Variants in FANCL observed in about 807,000 individuals in gnomAD.
FANCL encodes E3 ubiquitin-protein ligase FANCL.
FANCL carries 69 observed loss-of-function variants against 59.4 expected under a neutral mutation model. The observed-to-expected ratio is 1.16, with a 90% CI of 0.96 to 1.42. The LOEUF is 1.42. Among genes scored for constraint, FANCL ranks in the 40% most tolerant of loss-of-function variants. FANCL has a pLI of 0.00. For missense variants in FANCL, 519 were observed against 447.2 expected, an observed-to-expected ratio of 1.16 and a Z score of -1.45; for synonymous variants, 180 against 147.1, an observed-to-expected ratio of 1.22 and a Z score of -1.62.
At chr2:58,179,210 T>G (rs1387072547) in intron 7 of FANCL, among the ~76,000 whole-genome samples, 1 of 152,184 alleles carries the variant, frequency 6.6e-6, no homozygotes, top group Non-Finnish European at 1.5e-5. Context: ...ACTGGCTTTC[T>G]TAACAGAATT....
intron 1 of FANCL, among the ~76,000 whole-genome samples, chr2:58,235,369 CT>C (rs1693918252): frequency 6.6e-6 from 1 of 152,064 alleles, no homozygotes; most frequent in Non-Finnish European, 1.5e-5. Flanking sequence ...GAGTGGAAAC[CT>C]TGCAATGTAA....
At chr2:58,176,455 G>C (rs557418789) in intron 7 of FANCL, among the ~76,000 whole-genome samples, 2 of 152,136 alleles carry the variant, frequency 1.3e-5, no homozygotes, top group South Asian at 2.1e-4. Context: ...GAACAGAACA[G>C]AGCCCTCAGA....
chr2:58,161,517 T>A lies in FANCL; in HGVS notation c.1020+5A>T, dbSNP rs1685165699. On this transcript the variant is annotated splice_donor_5th_base_variant and intron_variant, in intron 12 of 13. Transcript: ENST00000233741. ...AAAAGTCTTGACAATATTTTTATTT[T>A]TTACCTCATATAAGCATATTTGATG... The A allele has an allele frequency of 6.4e-7, 1 of 1,551,060 alleles. No individual in the cohort carries two copies. Among genetic ancestry groups the A allele is most frequent in the East Asian group, 2.3e-5 (1 of 44,444 alleles).
intron 5 of FANCL, among the ~76,000 whole-genome samples, chr2:58,207,801 A>C (rs1279406261): frequency 6.6e-6 from 1 of 152,176 alleles, no homozygotes; most frequent in South Asian, 2.1e-4. Context: ...ACTCATGCCT[A>C]TAATCCCAGC....
intron 7 of FANCL, among the ~76,000 whole-genome samples, chr2:58,196,542 A>G (rs1689439262): frequency 1.3e-5 from 2 of 151,844 alleles, no homozygotes; most frequent in Non-Finnish European, 1.5e-5. Context: ...AATTTGAATT[A>G]ATATTATTAA....
In FANCL at chr2:58,161,646, A is replaced by C. The variant is rs2104784017; in HGVS notation, c.904-8T>G. 6.4e-7 allele frequency: 1 copy of C among 1,573,074 alleles called. No homozygotes were observed. The highest frequency in any genetic ancestry group is 8.7e-7 in the Non-Finnish European group (1 of 1,143,548). On this transcript the variant is annotated splice_region_variant and splice_polypyrimidine_tract_variant and intron_variant, in intron 11 of 13. Coordinates refer to ENST00000233741, the MANE Select transcript of FANCL (RefSeq NM_018062.4). ...ACAATCCATAGTAAAATCCTTCAAA[A>C]GAAAAATATTTATAAAAAGCGTATG... is the stretch of plus-strand genomic sequence containing the variant.
chr2:58,222,153 C>G, intron 4 of FANCL, 111 bp from the exon 5 acceptor site: 1 of 751,226 alleles, frequency 1.3e-6, no homozygotes, highest in Non-Finnish European at 2.2e-6. Context: ...ATAAAAGTGC[C>G]TGTTTTTTTA....
chr2:58,235,188 C>T (rs2103966269), intron 1 of FANCL, among the ~76,000 whole-genome samples: 1 of 151,988 alleles, frequency 6.6e-6, no homozygotes, highest in Non-Finnish European at 1.5e-5. Flanking sequence ...GAAATATACA[C>T]AGAGAAACGC....
intron 1 of FANCL, among the ~76,000 whole-genome samples, chr2:58,232,509 T>C (rs1409936082): frequency 2.0e-5 from 3 of 152,042 alleles, no homozygotes; most frequent in Non-Finnish European, 4.4e-5. Context: ...AACATCACAA[T>C]ATAAAATAAG....
intron 13 of FANCL, 109 bp downstream of exon 13, chr2:58,159,995 AGAAT>A: frequency 6.4e-7 from 1 of 1,553,472 alleles, no homozygotes; most frequent in Admixed American, 2.0e-5. Flanking sequence ...AGAAATACAG[AGAAT>A]GAGTTTCAAA....
intron 7 of FANCL, among the ~76,000 whole-genome samples, chr2:58,196,970 A>G (rs1255954876): frequency 6.6e-6 from 1 of 151,884 alleles, no homozygotes; most frequent in Non-Finnish European, 1.5e-5. Context: ...GGTCTCATGA[A>G]ATTTTTTTAA....
At chr2:58,197,380 C>T (rs537608852) in intron 7 of FANCL, among the ~76,000 whole-genome samples, 1 of 151,998 alleles carries the variant, frequency 6.6e-6, no homozygotes, top group Admixed American at 6.5e-5. Flanking sequence ...AAATGAGTAG[C>T]CTCCATTTAC....
chr2:58,227,623 G>A (rs1261041727), intron 3 of FANCL, among the ~76,000 whole-genome samples: 4 of 152,162 alleles, frequency 2.6e-5, no homozygotes, highest in Admixed American at 2.6e-4. Flanking sequence ...AGCCACTTGT[G>A]TGTTCCTCCA....
chr2:58,215,704 C>CAAA (rs11427269), intron 5 of FANCL, among the ~76,000 whole-genome samples: 129 of 106,614 alleles, frequency 1.2e-3, no homozygotes, highest in Middle Eastern at 6.0e-3. Context: ...TATTAAGTGG[C>CAAA]AAAAAAAAAA....
At chr2:58,172,420 C>G (rs1686744710) in intron 7 of FANCL, among the ~76,000 whole-genome samples, 1 of 152,182 alleles carries the variant, frequency 6.6e-6, no homozygotes, top group Non-Finnish European at 1.5e-5. Flanking sequence ...GAGGAACCAT[C>G]AGACAGCAGC....
chr2:58,170,382 G>A (rs900630011), intron 7 of FANCL, among the ~76,000 whole-genome samples: 4 of 152,162 alleles, frequency 2.6e-5, no homozygotes, highest in African/African-American at 9.7e-5. Context: ...AGCTCCTGAA[G>A]GACGCGTGAA....
chr2:58,186,814 C>T (rs567213941), intron 7 of FANCL, among the ~76,000 whole-genome samples: 14 of 152,170 alleles, frequency 9.2e-5, no homozygotes, highest in Non-Finnish European at 1.9e-4. Flanking sequence ...ACGAAGCTGA[C>T]TGAAGCAATG....
intron 7 of FANCL, among the ~76,000 whole-genome samples, chr2:58,170,368 C>T (rs1196170206): frequency 6.6e-6 from 1 of 152,302 alleles, no homozygotes; most frequent in Non-Finnish European, 1.5e-5. Flanking sequence ...GCCTGCCTTA[C>T]AAGAGCTCCT....
chr2:58,201,121 G>A (rs72810375), intron 6 of FANCL, among the ~76,000 whole-genome samples: 8,684 of 149,706 alleles, frequency 0.058, 397 homozygotes, highest in African/African-American at 0.12. Context: ...ATTAACTACA[G>A]TGTAGATGAC....
Sources: gnomAD v4.1 joint callset for allele counts (sites outside exome capture counted in the v4.1 genomes callset) on GRCh38, gnomAD v4.1.1 for gene constraint, MANE v1.5 for transcripts, NCBI Gene and HGNC (gene_info 2026-07-23, HGNC 2026-07-21) for gene names.